PSG6: variants seen among roughly 807,000 people sequenced by gnomAD.
PSG6 encodes pregnancy specific beta-1-glycoprotein 6.
Under a neutral mutation model 43.3 loss-of-function variants are expected in PSG6, and 51 were observed. The observed-to-expected ratio is 1.18, with a 90% CI of 0.94 to 1.49. The LOEUF (loss-of-function observed/expected upper bound fraction) is 1.49, where lower values mean the gene tolerates loss of function less well. Ranked by LOEUF, PSG6 falls within the 40% of genes most tolerant of loss-of-function variation. The probability of loss-of-function intolerance (pLI) is 0.00; values close to 1 mark genes in which losing one functional copy is unlikely to be tolerated. For synonymous variants in PSG6, 292 were observed against 197.6 expected, an observed-to-expected ratio of 1.48 and a Z score of -4.01; for missense variants, 770 against 522.2, an observed-to-expected ratio of 1.47 and a Z score of -4.62.
intron 2 of PSG6, among the ~76,000 whole-genome samples, chr19:42,913,359 C>A (rs1972264182): frequency 6.6e-6 from 1 of 151,648 alleles, no homozygotes; most frequent in South Asian, 2.1e-4. Flanking sequence ...ACCATGTTAG[C>A]CAGGATGGTC....
chr19:42,911,062 ATG>A (rs1393171457), intron 2 of PSG6, among the ~76,000 whole-genome samples: 4 of 151,644 alleles, frequency 2.6e-5, no homozygotes, highest in African/African-American at 9.7e-5. Context: ...TAGGAGAAGC[ATG>A]GACTTTCTCA....
intron 5 of PSG6, among the ~76,000 whole-genome samples, chr19:42,904,041 C>A (rs1972076011): frequency 6.6e-6 from 1 of 151,566 alleles, no homozygotes; most frequent in Non-Finnish European, 1.5e-5. Flanking sequence ...TAGAAACACA[C>A]AAAAATATGA....
chr19:42,914,209 A>G (rs1224671671), intron 2 of PSG6, among the ~76,000 whole-genome samples: 1 of 151,218 alleles, frequency 6.6e-6, no homozygotes. Context: ...TGACCTGGGG[A>G]CATTGGCTCG....
intron 5 of PSG6, among the ~76,000 whole-genome samples, chr19:42,905,059 T>G (rs1186823413): frequency 1.3e-5 from 2 of 151,642 alleles, no homozygotes; most frequent in East Asian, 3.9e-4. Context: ...CCAAATGATA[T>G]TGGGAAAGGT....
Position 42,902,169 on chromosome 19 carries a change from G to C in PSG6, c.*243C>G. ...CAATTCTGGGGCACTCAGATAGAGA[G>C]CAAAAGCAAATGTTTCAATTTTTGT... On this transcript the variant is annotated 3_prime_UTR_variant, in exon 6 of 6. Transcript: ENST00000187910. The C allele has an allele frequency of 2.1e-6, 1 of 469,504 alleles. No homozygotes were observed. Among genetic ancestry groups the C allele is most frequent in the Non-Finnish European group, 3.8e-6 (1 of 261,604 alleles). The allele number at this position is 469,504 out of a possible 1,614,324, so 29.1% of individuals were successfully genotyped here.
In PSG6 at chr19:42,916,426, T is replaced by C. The variant is rs1972334414; in HGVS notation, c.126A>G (p.Pro42=). Residue 42 remains proline, a synonymous_variant, in exon 2 of 6, where the codon CCA becomes CCG. Coordinates refer to ENST00000187910, the MANE Select transcript of PSG6 (RefSeq NM_001031850.4). ...TTAQVIIEAK[P]PKVSEGKDVL... ...CATCCTTCCCCTCGGAAACTTTGGGTGGCTTGGCTTCAATTATTACTTGGG... is the reference window on the plus strand; with the variant it reads ...CATCCTTCCCCTCGGAAACTTTGGGCGGCTTGGCTTCAATTATTACTTGGG... 1 of 1,611,954 alleles carries C rather than the reference T, an allele frequency of 6.2e-7. No individual in the cohort carries two copies. The highest frequency in any genetic ancestry group is 8.5e-7 in the Non-Finnish European group (1 of 1,179,042).
At chr19:42,907,479 G>T (rs1972136859) in intron 4 of PSG6, 97 bp downstream of exon 4, 10 of 1,569,006 alleles carry the variant, frequency 6.4e-6, no homozygotes, top group Non-Finnish European at 8.6e-6. Flanking sequence ...AAGTAAAGTT[G>T]TCTATACTTG....
At chr19:42,910,423 C>T in intron 3 of PSG6, 157 bp downstream of exon 3, 3 of 1,573,850 alleles carry the variant, frequency 1.9e-6, no homozygotes, top group Non-Finnish European at 2.6e-6. Flanking sequence ...AAGCCTAGGC[C>T]TACTCTGGTT....
At position 42,902,300 on chromosome 19, in the gene PSG6, A is replaced by G. The variant is rs2122612280; in HGVS notation, c.*112T>C. On this transcript the variant is annotated 3_prime_UTR_variant, in exon 6 of 6. Transcript: ENST00000187910. Reference sequence around the variant, plus strand: ...TTTTCCAATAAAAAATTATGAAAACATTATCCTTTTGATTATTTAGTCCAA... The same window carrying G: ...TTTTCCAATAAAAAATTATGAAAACGTTATCCTTTTGATTATTTAGTCCAA... The G allele has an allele frequency of 7.8e-7, 1 of 1,287,278 alleles. No individual in the cohort carries two copies. 79.7% of individuals were successfully genotyped at this position (1,287,278 alleles called of 1,614,324 possible). A position where few individuals can be genotyped will look rare whatever the true frequency, so the allele number is the denominator to read the frequency against.
chr19:42,917,833 C>G lies in PSG6; in HGVS notation c.-41G>C, dbSNP rs1972368735. ...TGTGTTCTCCCCTGTGGAGATGAGC[C>G]TAGGATCCAGAGACTTCCTGAGCAG... On this transcript the variant is annotated 5_prime_UTR_variant, in exon 1 of 6. Coordinates refer to ENST00000187910, the MANE Select transcript of PSG6 (RefSeq NM_001031850.4). The G allele has an allele frequency of 1.3e-6, 2 of 1,596,142 alleles. No individual in the cohort carries two copies. Among genetic ancestry groups the G allele is most frequent in the Admixed American group, 1.7e-5 (1 of 58,766 alleles).
chr19:42,903,718 G>C (rs897163188), intron 5 of PSG6: 2 of 1,495,068 alleles, frequency 1.3e-6, no homozygotes, highest in East Asian at 5.2e-5. Flanking sequence ...GGGAGATGCT[G>C]TCTCTACAAA....
At chr19:42,906,720 A>T in intron 5 of PSG6, 2 of 1,509,910 alleles carry the variant, frequency 1.3e-6, no homozygotes, top group South Asian at 1.3e-5. Context: ...CAGGCCAGAC[A>T]CAAGGTCAGC....
intron 2 of PSG6, among the ~76,000 whole-genome samples, chr19:42,911,292 G>C (rs1972220663): frequency 6.6e-6 from 1 of 151,588 alleles, no homozygotes; most frequent in African/African-American, 2.4e-5. Context: ...GGACATCCTA[G>C]AGATGGATGA....
Position 42,907,640 on chromosome 19 carries a change from A to T in PSG6, c.921T>A (p.Tyr307Ter), listed in dbSNP as rs567551600. Reference sequence around the variant, plus strand: ...CATATCGGTCCCGTATTTCACATTGATAGGGTCCTGTTTCATTTCTCGTGA... The same window carrying T: ...CATATCGGTCCCGTATTTCACATTGTTAGGGTCCTGTTTCATTTCTCGTGA... ...PSVTRNETGP[Y>*]QCEIRDRYGG... Residue 307 changes from tyrosine to a stop codon, truncating the protein, a stop_gained, in exon 4 of 6, where the codon TAT becomes TAA. Transcript: ENST00000187910. LOFTEE classifies it high-confidence loss of function. 2 of 1,611,760 alleles carry T rather than the reference A, an allele frequency of 1.2e-6. No individual in the cohort carries two copies. The highest frequency in any genetic ancestry group is 2.7e-5 in the African/African-American group (2 of 74,850).
intron 2 of PSG6, among the ~76,000 whole-genome samples, chr19:42,911,598 C>T (rs1219842754): frequency 2.0e-5 from 3 of 151,658 alleles, no homozygotes; most frequent in Non-Finnish European, 4.4e-5. Flanking sequence ...GTCCATGATG[C>T]TCCCTTCCCC....
At chr19:42,906,006 C>T (rs1383766378) in intron 5 of PSG6, among the ~76,000 whole-genome samples, 1 of 151,470 alleles carries the variant, frequency 6.6e-6, no homozygotes, top group African/African-American at 2.4e-5. Flanking sequence ...GTGATAGTTA[C>T]ACAACACTAA....
At chr19:42,909,285 T>C (rs1568443978) in intron 3 of PSG6, among the ~76,000 whole-genome samples, 1 of 151,518 alleles carries the variant, frequency 6.6e-6, no homozygotes, top group African/African-American at 2.4e-5. Flanking sequence ...CACTCGTATA[T>C]TTTTGAAGGC....
chr19:42,910,740 A>G lies in PSG6; in HGVS notation c.546T>C (p.Asn182=), dbSNP rs1972206735. Reference sequence around the variant, plus strand: ...TGTGAGTCATAGGGAGGTTCTGACCATTCAGCAACCACAGGTAGCTTGCAT... The same window carrying G: ...TGTGAGTCATAGGGAGGTTCTGACCGTTCAGCAACCACAGGTAGCTTGCAT... The part of the protein sequence containing the change: ...TPDASYLWLL[N]GQNLPMTHRL... The change falls in exon 3 of 6, where the codon AAT becomes AAC. Residue 182 remains asparagine (N), a synonymous_variant. Coordinates refer to ENST00000187910, the MANE Select transcript of PSG6 (RefSeq NM_001031850.4). 1 of 1,612,398 alleles carries G rather than the reference A, an allele frequency of 6.2e-7. No homozygotes were observed. The highest frequency in any genetic ancestry group is 8.5e-7 in the Non-Finnish European group (1 of 1,179,270).
intron 1 of PSG6, among the ~76,000 whole-genome samples, chr19:42,916,750 C>G (rs1300270975): frequency 6.6e-6 from 1 of 151,086 alleles, no homozygotes; most frequent in African/African-American, 2.4e-5. Context: ...GTTTGCAATC[C>G]TCTTCCCCAG....
Sources: gnomAD v4.1 joint callset for allele counts (sites outside exome capture counted in the v4.1 genomes callset) on GRCh38, gnomAD v4.1.1 for gene constraint, MANE v1.5 for transcripts, NCBI Gene and HGNC (gene_info 2026-07-23, HGNC 2026-07-21) for gene names.